Variants in PPM1F observed in about 807,000 individuals in gnomAD.
PPM1F encodes the protein protein phosphatase 1F.
A neutral mutation model predicts 35.5 loss-of-function variants in PPM1F; 17 were observed. That is an observed-to-expected ratio of 0.48 (90% CI 0.33 to 0.72). PPM1F has a LOEUF of 0.72. PPM1F is among the 30% of genes least tolerant of loss of function. The probability of loss-of-function intolerance (pLI) is 0.02; values close to 1 mark genes in which losing one functional copy is unlikely to be tolerated. For missense variants in PPM1F, 521 were observed against 613.0 expected (o/e 0.85, Z 1.59); for synonymous variants, 241 against 255.5 (o/e 0.94, Z 0.54).
chr22:21,929,941 T>C (rs903794648), intron 6 of PPM1F, among the ~76,000 whole-genome samples: 2 of 152,022 alleles, frequency 1.3e-5, no homozygotes, highest in African/African-American at 4.8e-5. Context: ...AAAGCCTCCA[T>C]GTGGCAAAAG....
chr22:21,936,576 G>A (rs956572083), intron 3 of PPM1F: 1 of 152,264 alleles, frequency 6.6e-6, no homozygotes, highest in South Asian at 2.1e-4. Context: ...TGTGCTTCAG[G>A]TGTTACGAAA....
rs545028363 is a variant in PPM1F, at chr22:21,939,908, G to A, written c.207-228C>T. Among the ~76,000 whole-genome samples the A allele has an allele frequency of 1.3e-5, 2 of 152,334 alleles. No individual in the cohort carries two copies. Among genetic ancestry groups the A allele is most frequent in the African/African-American group, 4.8e-5 (2 of 41,588 alleles). ...TGCGGCTAGTTGGGAGGGGGCTGTTGATGGGCAAGTAAACTGCCTGACATC... is the reference window on the plus strand; with the variant it reads ...TGCGGCTAGTTGGGAGGGGGCTGTTAATGGGCAAGTAAACTGCCTGACATC... On this transcript the variant is annotated intron_variant, in intron 2 of 7. Coordinates refer to ENST00000263212, the MANE Select transcript of PPM1F (RefSeq NM_014634.4). The surrounding 1 kb of genome is among the most constrained non-coding windows in gnomAD (Gnocchi z 5.1).
intron 3 of PPM1F, chr22:21,937,228 AAGG>A (rs2070669971): frequency 6.5e-6 from 1 of 152,704 alleles, no homozygotes; most frequent in Non-Finnish European, 1.5e-5. Context: ...TGTGGAAGAA[AAGG>A]AGAAGGGCTG....
chr22:21,927,090 A>C (rs1243972321), intron 6 of PPM1F, among the ~76,000 whole-genome samples: 1 of 152,186 alleles, frequency 6.6e-6, no homozygotes, highest in Non-Finnish European at 1.5e-5. Flanking sequence ...GAGGTGGAGA[A>C]TCAAGCCATG....
chr22:21,939,747 C>T lies in PPM1F; in HGVS notation c.207-67G>A. ...GAGACCACACCTAGCCCCCCTTCCC[C>T]AACTGTCAGCCCACATGCTGAGGGG... is the stretch of plus-strand genomic sequence containing the variant. On this transcript the variant is annotated intron_variant, in intron 2 of 7. Transcript: ENST00000263212. The surrounding 1 kb of genome is among the most constrained non-coding windows in gnomAD (Gnocchi z 5.1). 6.5e-7 allele frequency: 1 copy of T among 1,531,610 alleles called. No homozygotes were observed. Among genetic ancestry groups the T allele is most frequent in the Non-Finnish European group, 8.8e-7 (1 of 1,133,376 alleles). 94.9% of individuals were successfully genotyped at this position (1,531,610 alleles called of 1,614,324 possible).
chr22:21,929,394 C>T (rs2070561383), intron 6 of PPM1F, among the ~76,000 whole-genome samples: 1 of 152,156 alleles, frequency 6.6e-6, no homozygotes. Context: ...CAATCCTTAC[C>T]CCAAACCTCC....
At chr22:21,945,590 T>C in intron 2 of PPM1F, 1 of 512,064 alleles carries the variant, frequency 2.0e-6, no homozygotes, top group Non-Finnish European at 3.5e-6. Flanking sequence ...TGAGAGAGCA[T>C]GGCGCAGCTG....
chr22:21,946,206 T>A (rs1004192625), intron 1 of PPM1F, 98 bp from the exon 2 acceptor site: 2 of 573,792 alleles, frequency 3.5e-6, no homozygotes, highest in African/African-American at 1.9e-5. Context: ...CATGGCCTCA[T>A]GGTTCAGGGC....
chr22:21,932,343 A>G (rs1212358394), intron 5 of PPM1F, among the ~76,000 whole-genome samples: 1 of 152,132 alleles, frequency 6.6e-6, no homozygotes, highest in Non-Finnish European at 1.5e-5. Flanking sequence ...CCTGGGGCTG[A>G]GGTGAGAGGC....
intron 3 of PPM1F, chr22:21,934,480 A>T (rs922844664): frequency 2.7e-5 from 13 of 480,374 alleles, no homozygotes; most frequent in African/African-American, 2.4e-4. Flanking sequence ...ACCCTGAAGA[A>T]ATCATCAGAA....
intron 7 of PPM1F, 27 bp from the exon 8 acceptor site, chr22:21,923,498 C>T: frequency 1.3e-6 from 2 of 1,571,658 alleles, no homozygotes; most frequent in East Asian, 4.5e-5. Flanking sequence ...GAGCCCGGGT[C>T]AGAGGACCAC....
chr22:21,930,452 T>C (rs148616081), intron 6 of PPM1F, among the ~76,000 whole-genome samples: 27 of 152,310 alleles, frequency 1.8e-4, no homozygotes, highest in African/African-American at 5.1e-4. Context: ...AAGATCTTCA[T>C]GCTCACCCAC....
chr22:21,933,796 G>A (rs550657019), intron 4 of PPM1F, among the ~76,000 whole-genome samples: 24 of 152,340 alleles, frequency 1.6e-4, no homozygotes, highest in African/African-American at 5.8e-4. Flanking sequence ...ATGAGGGGCT[G>A]CCCCAGGTGG....
intron 6 of PPM1F, among the ~76,000 whole-genome samples, chr22:21,926,720 G>A (rs6000156): frequency 0.054 from 8,277 of 152,216 alleles, 304 homozygotes; most frequent in South Asian, 0.12. Flanking sequence ...ATCCCTTACC[G>A]GTTTATCAGG....
At chr22:21,938,075 C>A in intron 3 of PPM1F, 1 of 1,277,286 alleles carries the variant, frequency 7.8e-7, no homozygotes. Context: ...GCATGCGAGG[C>A]ACTCTGACAG....
At chr22:21,927,269 C>T (rs961613751) in intron 6 of PPM1F, among the ~76,000 whole-genome samples, 28 of 152,202 alleles carry the variant, frequency 1.8e-4, no homozygotes, top group South Asian at 4.1e-4. Context: ...GGTGGATGAA[C>T]ACAGAGTACG....
chr22:21,923,607 C>T (rs554818847), intron 7 of PPM1F, 136 bp from the exon 8 acceptor site: 16 of 979,450 alleles, frequency 1.6e-5, no homozygotes, highest in South Asian at 3.7e-5. Context: ...TCTGTTGCTC[C>T]CTTATGCAAA....
In PPM1F at chr22:21,934,113, C is replaced by T. The variant is rs1324646912; in HGVS notation, c.469G>A (p.Val157Ile). ...GTGTTCCGGATGGCGTGGATGGAGA[C>T]CAGCCACTGCCGCTGTGAGGCCCGG... The part of the protein sequence containing the change: ...AARASQRQWL[V>I]SIHAIRNTRR... Residue 157 changes from valine (V) to isoleucine (I), a missense_variant, in exon 4 of 8, where the codon GTC becomes ATC. Coordinates refer to ENST00000263212, the MANE Select transcript of PPM1F (RefSeq NM_014634.4). 1.3e-6 allele frequency: 2 copies of T among 1,565,886 alleles called. No homozygotes were observed. Among genetic ancestry groups the T allele is most frequent in the Non-Finnish European group, 1.7e-6 (2 of 1,155,384 alleles).
chr22:21,951,589 T>C (rs925970492), intron 1 of PPM1F: 2 of 152,036 alleles, frequency 1.3e-5, no homozygotes, highest in African/African-American at 4.8e-5. Context: ...TCAGGTGATA[T>C]GCCTGCCTCG....
Sources: gnomAD v4.1 joint callset for allele counts (sites outside exome capture counted in the v4.1 genomes callset) on GRCh38, gnomAD v4.1.1 for gene constraint, Gnocchi (gnomAD v3.1) non-coding constraint, MANE v1.5 for transcripts, NCBI Gene and HGNC (gene_info 2026-07-23, HGNC 2026-07-21) for gene names.